The following SGCZ variants were observed in gnomAD, a reference collection of about 807,000 sequenced individuals.
SGCZ encodes the protein sarcoglycan zeta.
In SGCZ, 40 loss-of-function variants were observed where a neutral mutation model predicts 41.3. That is an observed-to-expected ratio of 0.97 (90% CI 0.75 to 1.26). The LOEUF is 1.26. Ranked by LOEUF, SGCZ falls within the 50% of genes most tolerant of loss-of-function variation. The probability of loss-of-function intolerance (pLI) is 0.00; values close to 1 mark genes in which losing one functional copy is unlikely to be tolerated. For synonymous variants in SGCZ, 206 were observed against 137.5 expected (o/e 1.50, Z -3.49); for missense variants, 552 against 369.8 (o/e 1.49, Z -4.04).
chr8:14,603,133 T>C (rs1277121160), intron 1 of SGCZ, among the ~76,000 whole-genome samples: 20 of 152,186 alleles, frequency 1.3e-4, no homozygotes, highest in Admixed American at 1.3e-3. Context: ...TCTCAGGCTA[T>C]GAGATACTGC....
At chr8:14,264,051 A>G (rs1169793114) in intron 3 of SGCZ, among the ~76,000 whole-genome samples, 1 of 152,216 alleles carries the variant, frequency 6.6e-6, no homozygotes, top group Non-Finnish European at 1.5e-5. Context: ...CTACAGCCCC[A>G]GCAGTATGGT....
intron 1 of SGCZ, among the ~76,000 whole-genome samples, chr8:14,594,115 C>G (rs1805328644): frequency 6.6e-6 from 1 of 151,532 alleles, no homozygotes; most frequent in Non-Finnish European, 1.5e-5. Context: ...GTGGAGGTTA[C>G]AGTGAGTCGA....
At chr8:14,833,025 CT>C (rs147665423) in intron 1 of SGCZ, among the ~76,000 whole-genome samples, 4,802 of 151,688 alleles carry the variant, frequency 0.032, 180 homozygotes, top group African/African-American at 0.09. Flanking sequence ...TGTTGAAATG[CT>C]TAATCTGTTT....
chr8:14,595,882 T>A (rs995785814), intron 1 of SGCZ, among the ~76,000 whole-genome samples: 1 of 152,162 alleles, frequency 6.6e-6, no homozygotes, highest in Non-Finnish European at 1.5e-5. Context: ...CTGGACTCTA[T>A]GTCAGTTTAA....
chr8:14,121,901 A>G (rs1802708060), intron 5 of SGCZ, among the ~76,000 whole-genome samples: 1 of 152,202 alleles, frequency 6.6e-6, no homozygotes, highest in Non-Finnish European at 1.5e-5. Flanking sequence ...TATGTCATAT[A>G]CATGTGCATA....
At chr8:14,168,551 C>T (rs1804277357) in intron 4 of SGCZ, among the ~76,000 whole-genome samples, 1 of 152,064 alleles carries the variant, frequency 6.6e-6, no homozygotes, top group African/African-American at 2.4e-5. Context: ...TCTTATCTTC[C>T]CGGCTGCCAC....
At chr8:14,942,061 A>C (rs1800293454) in intron 1 of SGCZ, among the ~76,000 whole-genome samples, 1 of 152,060 alleles carries the variant, frequency 6.6e-6, no homozygotes, top group Non-Finnish European at 1.5e-5. Context: ...CAATAGCATC[A>C]TTAGGAACCC....
intron 3 of SGCZ, chr8:14,309,567 A>G (rs1219469553): frequency 6.2e-7 from 1 of 1,610,678 alleles, no homozygotes; most frequent in Non-Finnish European, 8.5e-7. Context: ...GGGACGGTAT[A>G]ACAAGGAAAG....
chr8:14,765,543 C>T (rs373745832), intron 1 of SGCZ, among the ~76,000 whole-genome samples: 1 of 152,058 alleles, frequency 6.6e-6, no homozygotes, highest in East Asian at 1.9e-4. Flanking sequence ...GCAGAGTATC[C>T]CTCAGAATGG....
chr8:14,544,065 C>G (rs1803550864), intron 2 of SGCZ, among the ~76,000 whole-genome samples: 1 of 152,088 alleles, frequency 6.6e-6, no homozygotes, highest in Admixed American at 6.6e-5. Flanking sequence ...GGTGATTTCC[C>G]AGAAATATTA....
intron 5 of SGCZ, among the ~76,000 whole-genome samples, chr8:14,117,177 T>A (rs552178446): frequency 6.6e-6 from 1 of 152,126 alleles, no homozygotes; most frequent in African/African-American, 2.4e-5. Context: ...AAATAATGCA[T>A]TAGAGATGAG....
chr8:14,530,391 A>T (rs1803089537), intron 2 of SGCZ, among the ~76,000 whole-genome samples: 2 of 152,092 alleles, frequency 1.3e-5, no homozygotes, highest in African/African-American at 2.4e-5. Context: ...TTTTTCTGTC[A>T]TGAAGACTCT....
chr8:14,960,202 AT>A (rs1009474545), intron 1 of SGCZ, among the ~76,000 whole-genome samples: 1 of 151,748 alleles, frequency 6.6e-6, no homozygotes, highest in South Asian at 2.1e-4. Context: ...TGAATGCAAT[AT>A]TTTTTTTTCT....
Position 14,292,336 on chromosome 8 carries a change from C to T in SGCZ, c.336+31767G>A, listed in dbSNP as rs1212958699. ...CTCAATTACGGTTGGTGAAAACAGC[C>T]TAGGAAAGTCCTCTGAAGGATGTAG... On this transcript the variant is annotated intron_variant, in intron 3 of 7. Coordinates refer to ENST00000382080, the MANE Select transcript of SGCZ (RefSeq NM_139167.4). 3.9e-5 allele frequency among the ~76,000 whole-genome samples: 6 copies of T among 151,922 alleles called. No homozygotes were observed. The South Asian group carries it at 1.0e-3, about 26-fold the overall frequency.
At chr8:14,257,187 T>A (rs1799495016) in intron 3 of SGCZ, among the ~76,000 whole-genome samples, 1 of 151,764 alleles carries the variant, frequency 6.6e-6, no homozygotes, top group Non-Finnish European at 1.5e-5. Context: ...ATTAGCTAGG[T>A]GTGCTGGTAC....
At chr8:14,214,607 G>A (rs919868665) in intron 4 of SGCZ, among the ~76,000 whole-genome samples, 3 of 152,022 alleles carry the variant, frequency 2.0e-5, no homozygotes, top group Non-Finnish European at 2.9e-5. Flanking sequence ...TTTAAAAATG[G>A]TTCAGCTATA....
chr8:15,224,153 G>A (rs1215824352), intron 1 of SGCZ, among the ~76,000 whole-genome samples: 4 of 152,096 alleles, frequency 2.6e-5, no homozygotes, highest in Non-Finnish European at 4.4e-5. Flanking sequence ...ACCATGCCCA[G>A]CCAAAAAGCT....
intron 1 of SGCZ, among the ~76,000 whole-genome samples, chr8:15,164,921 C>A (rs911762930): frequency 6.6e-6 from 1 of 152,084 alleles, no homozygotes; most frequent in African/African-American, 2.4e-5. Context: ...GTTTTCCCAG[C>A]CCTGTCTCTT....
intron 1 of SGCZ, among the ~76,000 whole-genome samples, chr8:15,160,046 T>C (rs73529343): frequency 0.042 from 6,458 of 152,008 alleles, 338 homozygotes; most frequent in African/African-American, 0.12. Flanking sequence ...GAACATAAGC[T>C]TTACCATATT....
Sources: allele counts gnomAD v4.1 joint callset (sites outside exome capture counted in the v4.1 genomes callset), GRCh38; gene constraint gnomAD v4.1.1; transcripts MANE v1.5; gene names NCBI Gene and HGNC (gene_info 2026-07-23, HGNC 2026-07-21).